CARF: variants seen among roughly 807,000 people sequenced by gnomAD.
The protein encoded by CARF is calcium-responsive transcription factor.
In CARF, 57 loss-of-function variants were observed where a neutral mutation model predicts 82.0. The observed-to-expected ratio is 0.70, with a 90% CI of 0.56 to 0.87. The LOEUF is 0.87. Ranked by LOEUF, CARF falls within the 40% of genes least tolerant of loss-of-function variation. The pLI, the probability that CARF is intolerant of heterozygous loss-of-function variation, is 0.00. For missense variants in CARF, 771 were observed against 855.8 expected (o/e 0.90, Z 1.24); for synonymous variants, 268 against 290.1 (o/e 0.92, Z 0.77).
intron 8 of CARF, among the ~76,000 whole-genome samples, chr2:202,959,243 G>A (rs2059197728): frequency 6.6e-6 from 1 of 151,782 alleles, no homozygotes; most frequent in Admixed American, 6.6e-5. Context: ...TGATAGAGTT[G>A]TCTAGGTTAG....
Position 202,986,994 on chromosome 2 carries a change from T to C in CARF, c.*3370T>C, listed in dbSNP as rs561129065. 4.3e-4 allele frequency: 64 copies of C among 149,792 alleles called. 1 individual carries two copies. In the South Asian group the frequency reaches 0.013, roughly 30 times the overall value. The allele number at this position is 149,792 out of a possible 1,614,324, so 9.3% of individuals were successfully genotyped here. On this transcript the variant is annotated 3_prime_UTR_variant, in exon 17 of 17. Coordinates refer to ENST00000438828, the MANE Select transcript of CARF (RefSeq NM_024744.17). ...TTTTTATACTTGTTAGTTTTCTTTT[T>C]ATATTTTTCTTAGAGATAGTGGCAA... is the stretch of plus-strand genomic sequence containing the variant.
Position 202,973,579 on chromosome 2 carries a change from T to C in CARF, c.1332-755T>C, listed in dbSNP as rs555749408. 141 of 343,808 alleles carry C rather than the reference T, an allele frequency of 4.1e-4. 1 individual carries two copies. The highest frequency in any genetic ancestry group is 2.8e-3 in the African/African-American group (129 of 45,890). The allele number at this position is 343,808 out of a possible 1,614,324, so 21.3% of individuals were successfully genotyped here. A position where few individuals can be genotyped will look rare whatever the true frequency, so the allele number is the denominator to read the frequency against. Reference sequence around the variant, plus strand: ...GGGTATAGGCCCAAGCTCTCTTATTTACTAGGTAGGTGTATGATTTTGGGC... The same window carrying C: ...GGGTATAGGCCCAAGCTCTCTTATTCACTAGGTAGGTGTATGATTTTGGGC... On this transcript the variant is annotated intron_variant, in intron 12 of 16. Transcript: ENST00000438828.
chr2:202,943,895 C>A (rs2058365833), intron 5 of CARF, among the ~76,000 whole-genome samples: 1 of 152,142 alleles, frequency 6.6e-6, no homozygotes, highest in Admixed American at 6.6e-5. Flanking sequence ...ATCCACCCAC[C>A]TCAGCCTCCC....
intron 12 of CARF, among the ~76,000 whole-genome samples, 171 bp from the exon 13 acceptor site, chr2:202,974,163 A>G (rs543461809): frequency 1.3e-5 from 2 of 152,336 alleles, no homozygotes; most frequent in African/African-American, 4.8e-5. Flanking sequence ...TATAGTCTGC[A>G]ATAATTCTAT....
Position 202,919,577 on chromosome 2 carries a change from T to G in CARF, c.-163+1534T>G, listed in dbSNP as rs1690397574. Among the ~76,000 whole-genome samples, 9 of 152,320 alleles carry G rather than the reference T, an allele frequency of 5.9e-5. No individual in the cohort carries two copies. In the South Asian group the frequency reaches 1.9e-3, roughly 32 times the overall value. On this transcript the variant is annotated intron_variant, in intron 2 of 16. Coordinates refer to ENST00000438828, the MANE Select transcript of CARF (RefSeq NM_024744.17). ...TTTGGGTGGTGTCGGAGATAGAGTT[T>G]TTTGTATGTTACGGTACTGCTTCTA...
chr2:202,914,766 T>G (rs1346227729), intron 1 of CARF, among the ~76,000 whole-genome samples: 8 of 86,764 alleles, frequency 9.2e-5, no homozygotes, highest in Admixed American at 1.6e-4. Flanking sequence ...GCAAAAAGAG[T>G]GAAACTCCAT....
Position 202,955,726 on chromosome 2 carries a change from C to G in CARF, c.610C>G (p.Pro204Ala). Residue 204 changes from proline (P) to alanine (A), a missense_variant, in exon 8 of 17, where the codon CCT (proline) becomes GCT (alanine). Transcript: ENST00000438828. ...GPLQPLSSNT[P>A]IWACRLRSCE... ...TCTTCAGCCACTTTCTTCTAATACA[C>G]CTATATGGGCCTGCCGTCTTAGGAG... 1 of 1,612,038 alleles carries G rather than the reference C, an allele frequency of 6.2e-7. No homozygotes were observed. Among genetic ancestry groups the G allele is most frequent in the Non-Finnish European group, 8.5e-7 (1 of 1,178,852 alleles).
chr2:202,977,151 A>T, intron 13 of CARF, 118 bp from the exon 14 acceptor site: 1 of 709,626 alleles, frequency 1.4e-6, no homozygotes, highest in South Asian at 1.8e-5. Flanking sequence ...ACAAGTGAAG[A>T]GAGTAGTTGC....
In CARF at chr2:202,941,495, C is replaced by T. The variant is rs542758199; in HGVS notation, c.-43-365C>T. 1.3e-5 allele frequency among the ~76,000 whole-genome samples: 2 copies of T among 152,012 alleles called. 1 individual carries two copies. Among genetic ancestry groups the T allele is most frequent in the African/African-American group, 4.8e-5 (2 of 41,442 alleles). ...ATATACTGCTACAATAGGGCATACC[C>T]AACTCATAAAGTTGAAAAACTTTAT... On this transcript the variant is annotated intron_variant, in intron 3 of 16. Coordinates refer to ENST00000438828, the MANE Select transcript of CARF (RefSeq NM_024744.17).
chr2:202,955,825 C>T, intron 8 of CARF, 67 bp downstream of exon 8: 1 of 1,200,606 alleles, frequency 8.3e-7, no homozygotes, highest in Non-Finnish European at 1.2e-6. Context: ...TCCCCAAATG[C>T]CACTTTTGAG....
rs1490421400 is a variant in CARF, at chr2:202,977,045, C to T, written c.1495-224C>T. ...TCACTATCTAAATGTTAGAAGTAGTCCTTGTCATCTACACTGTTGTCTAAA... is the reference window on the plus strand; with the variant it reads ...TCACTATCTAAATGTTAGAAGTAGTTCTTGTCATCTACACTGTTGTCTAAA... On this transcript the variant is annotated intron_variant, in intron 13 of 16. Coordinates refer to ENST00000438828, the MANE Select transcript of CARF (RefSeq NM_024744.17). Among the ~76,000 whole-genome samples, 3 of 152,256 alleles carry T rather than the reference C, an allele frequency of 2.0e-5. No individual in the cohort carries two copies. In the East Asian group the frequency reaches 5.8e-4, roughly 29 times the overall value.
chr2:202,971,092 C>T (rs1352663168), intron 11 of CARF, among the ~76,000 whole-genome samples: 1 of 152,052 alleles, frequency 6.6e-6, no homozygotes, highest in Non-Finnish European at 1.5e-5. Context: ...TGGGAAAATA[C>T]ACAGTTCAAA....
chr2:202,922,438 C>T (rs1444313153), intron 2 of CARF, among the ~76,000 whole-genome samples: 5 of 152,156 alleles, frequency 3.3e-5, no homozygotes, highest in Non-Finnish European at 4.4e-5. Context: ...AGGATACCCA[C>T]TCTCACCACT....
At chr2:202,976,366 G>T (rs1165192238) in intron 13 of CARF, among the ~76,000 whole-genome samples, 1 of 151,892 alleles carries the variant, frequency 6.6e-6, no homozygotes, top group South Asian at 2.1e-4. Flanking sequence ...TTAGAGACGG[G>T]TTTCACCATG....
rs2059793789 is a variant in CARF, at chr2:202,971,613, G to A, written c.1206G>A (p.Glu402=). ...TTCCTGTGTCTTCTCTTGAAGAAGAGGAAACTGCAGTTAGAGATGAGAATT... is the reference window on the plus strand; with the variant it reads ...TTCCTGTGTCTTCTCTTGAAGAAGAAGAAACTGCAGTTAGAGATGAGAATT... The part of the protein sequence containing the change: ...SPFPVSSLEE[E]ETAVRDENCA... The change falls in exon 12 of 17, where the codon GAG becomes GAA. Residue 402 remains glutamate, a synonymous_variant. Transcript: ENST00000438828. The A allele has an allele frequency of 6.2e-7, 1 of 1,613,566 alleles. No homozygotes were observed. Among genetic ancestry groups the A allele is most frequent in the Non-Finnish European group, 8.5e-7 (1 of 1,179,708 alleles).
chr2:202,934,055 A>T (rs146375428), intron 3 of CARF, among the ~76,000 whole-genome samples: 137 of 152,280 alleles, frequency 9.0e-4, no homozygotes, highest in African/African-American at 2.8e-3. Flanking sequence ...AGTTAAAAAA[A>T]ATATCAAAAA....
At chr2:202,970,427 T>C (rs2059740975) in intron 11 of CARF, among the ~76,000 whole-genome samples, 1 of 152,234 alleles carries the variant, frequency 6.6e-6, no homozygotes, top group Non-Finnish European at 1.5e-5. Context: ...CAGCCGCCTG[T>C]CATTTTTTTA....
At position 202,966,991 on chromosome 2, in the gene CARF, G is replaced by C; in HGVS notation, c.846G>C (p.Val282=). The change falls in exon 10 of 17, where the codon GTG becomes GTC. Residue 282 remains valine (V), a synonymous_variant. Coordinates refer to ENST00000438828, the MANE Select transcript of CARF (RefSeq NM_024744.17). ...IPFVNAGSRA[V]VMECQYGPRR... ...TTTGGCCCACAGGGAGTAGAGCTGT[G>C]GTAATGGAGTGTCAGTATGGGCCAA... 1 of 1,613,868 alleles carries C rather than the reference G, an allele frequency of 6.2e-7. No homozygotes were observed. Among genetic ancestry groups the C allele is most frequent in the Non-Finnish European group, 8.5e-7 (1 of 1,179,918 alleles).
At chr2:202,946,523 G>C (rs551593019) in intron 5 of CARF, among the ~76,000 whole-genome samples, 1 of 152,146 alleles carries the variant, frequency 6.6e-6, no homozygotes, top group Non-Finnish European at 1.5e-5. Context: ...AGGCTTAAAC[G>C]TAAAACCTAA....
Sources: allele counts gnomAD v4.1 joint callset (sites outside exome capture counted in the v4.1 genomes callset), GRCh38; gene constraint gnomAD v4.1.1; transcripts MANE v1.5; gene names NCBI Gene and HGNC (gene_info 2026-07-23, HGNC 2026-07-21).